The following POU6F2 variants were observed in gnomAD, a reference collection of about 807,000 sequenced individuals.
POU6F2 encodes the protein POU domain, class 6, transcription factor 2.
POU6F2 carries 31 observed loss-of-function variants against 71.3 expected under a neutral mutation model. That is an observed-to-expected ratio of 0.43 (90% CI 0.33 to 0.59). The LOEUF (loss-of-function observed/expected upper bound fraction) is 0.59, where lower values mean the gene tolerates loss of function less well. Ranked by LOEUF, POU6F2 falls within the 20% of genes least tolerant of loss-of-function variation. POU6F2 has a pLI of 0.04. For synonymous variants in POU6F2, 347 were observed against 355.7 expected (o/e 0.98, Z 0.27); for missense variants, 783 against 856.8 (o/e 0.91, Z 1.07).
At chr7:39,060,744 A>T (rs2128715989) in intron 1 of POU6F2, among the ~76,000 whole-genome samples, 1 of 152,304 alleles carries the variant, frequency 6.6e-6, no homozygotes, top group Non-Finnish European at 1.5e-5. Flanking sequence ...TGGTTCTCAA[A>T]GTGTTTGATC....
At chr7:39,257,288 G>T (rs1320786072) in intron 4 of POU6F2, among the ~76,000 whole-genome samples, 1 of 152,166 alleles carries the variant, frequency 6.6e-6, no homozygotes, top group Non-Finnish European at 1.5e-5. Flanking sequence ...TTGGAGTTAG[G>T]AGTAACAACT....
intron 5 of POU6F2, among the ~76,000 whole-genome samples, chr7:39,349,387 C>T (rs1786095762): frequency 6.6e-6 from 1 of 152,152 alleles, no homozygotes; most frequent in Non-Finnish European, 1.5e-5. Flanking sequence ...CATGCCACAG[C>T]ATGAGAATCA....
chr7:39,340,146 T>C (rs1355968147), intron 5 of POU6F2, 131 bp downstream of exon 5: 2 of 1,275,620 alleles, frequency 1.6e-6, no homozygotes, highest in Non-Finnish European at 2.1e-6. Context: ...TTCAAATTGA[T>C]CTCTTAGACA....
At chr7:39,022,267 G>A (rs1044650567) in intron 1 of POU6F2, among the ~76,000 whole-genome samples, 1 of 151,082 alleles carries the variant, frequency 6.6e-6, no homozygotes, top group African/African-American at 2.4e-5. Context: ...CTCTTTTTTT[G>A]GATAAAATGC....
intron 2 of POU6F2, among the ~76,000 whole-genome samples, chr7:39,087,289 TACTC>T (rs1208877148): frequency 1.2e-4 from 18 of 152,034 alleles, no homozygotes; most frequent in African/African-American, 4.3e-4. Context: ...TTTAAATGCT[TACTC>T]AATCAAACAT....
chr7:39,060,136 A>T, intron 1 of POU6F2, among the ~76,000 whole-genome samples: 1 of 152,014 alleles, frequency 6.6e-6, no homozygotes, highest in East Asian at 1.9e-4. Context: ...TGAACCCAGG[A>T]GGCAGAGGTG....
At chr7:39,305,056 A>G (rs1257461896) in intron 4 of POU6F2, among the ~76,000 whole-genome samples, 2 of 152,260 alleles carry the variant, frequency 1.3e-5, no homozygotes, top group East Asian at 3.8e-4. Flanking sequence ...AATTATGTAT[A>G]CTATACAAAT....
chr7:39,219,514 A>G (rs549986887), intron 4 of POU6F2, among the ~76,000 whole-genome samples: 4 of 152,274 alleles, frequency 2.6e-5, no homozygotes, highest in Admixed American at 6.5e-5. Flanking sequence ...ATCTGGTGCT[A>G]TAGGGAAGGA....
intron 2 of POU6F2, among the ~76,000 whole-genome samples, chr7:39,175,786 T>C (rs1793315328): frequency 6.6e-6 from 1 of 152,130 alleles, no homozygotes. Flanking sequence ...CCTTTCTTGA[T>C]TTATCTCGCA....
At chr7:39,221,276 A>C (rs1794349525) in intron 4 of POU6F2, among the ~76,000 whole-genome samples, 1 of 152,092 alleles carries the variant, frequency 6.6e-6, no homozygotes, top group South Asian at 2.1e-4. Context: ...TGGTAACACA[A>C]ATTAGAGACA....
At position 39,464,793 on chromosome 7, in the gene POU6F2, C is replaced by A; in HGVS notation, c.*107C>A. The A allele has an allele frequency of 7.7e-7, 1 of 1,301,582 alleles. No homozygotes were observed. Among genetic ancestry groups the A allele is most frequent in the Non-Finnish European group, 1.0e-6 (1 of 974,538 alleles). 80.6% of individuals were successfully genotyped at this position (1,301,582 alleles called of 1,614,324 possible). On this transcript the variant is annotated 3_prime_UTR_variant, in exon 10 of 10. Transcript: ENST00000518318. This position sits in a 1 kb window ranked among gnomAD's most constrained non-coding sequence, Gnocchi z 4.1. ...AAATTTAATTTAATTTAAAAATAGC[C>A]CCAGTCGTCATCACCCTTGTAAGTA...
intron 5 of POU6F2, among the ~76,000 whole-genome samples, chr7:39,384,344 C>T (rs1462002081): frequency 6.6e-6 from 1 of 152,142 alleles, no homozygotes; most frequent in African/African-American, 2.4e-5. Flanking sequence ...CCGTTAAAAA[C>T]TATATAAAGT....
intron 6 of POU6F2, among the ~76,000 whole-genome samples, chr7:39,431,151 G>T (rs1456754066): frequency 6.6e-6 from 1 of 152,144 alleles, no homozygotes; most frequent in Non-Finnish European, 1.5e-5. Flanking sequence ...GGCTTGCTCA[G>T]TGAGACTGCA....
At chr7:38,985,556 G>C (rs1341869481) in intron 1 of POU6F2, among the ~76,000 whole-genome samples, 1 of 152,116 alleles carries the variant, frequency 6.6e-6, no homozygotes, top group Non-Finnish European at 1.5e-5. Context: ...GTGGGCAGAA[G>C]TGATGATTGT....
chr7:39,250,815 T>C (rs930241763), intron 4 of POU6F2, among the ~76,000 whole-genome samples: 5 of 152,222 alleles, frequency 3.3e-5, no homozygotes, highest in Admixed American at 2.6e-4. Context: ...TATCTTTATA[T>C]AAAAGAATAA....
intron 5 of POU6F2, among the ~76,000 whole-genome samples, chr7:39,347,260 A>G (rs1205024940): frequency 6.6e-6 from 1 of 152,312 alleles, no homozygotes; most frequent in East Asian, 1.9e-4. Flanking sequence ...AAACACATGC[A>G]CTCAAAGTTG....
intron 1 of POU6F2, among the ~76,000 whole-genome samples, chr7:39,078,188 T>C (rs17171527): frequency 0.24 from 37,175 of 152,168 alleles, 4,711 homozygotes; most frequent in South Asian, 0.4. Context: ...TATTTCCAAA[T>C]AGTTTACTTG....
intron 4 of POU6F2, among the ~76,000 whole-genome samples, chr7:39,275,945 A>C (rs2128758112): frequency 6.6e-6 from 1 of 152,148 alleles, no homozygotes; most frequent in South Asian, 2.1e-4. Context: ...AAACCATAAA[A>C]ACCCTAGAAG....
chr7:39,446,193 C>T (rs971707505), intron 7 of POU6F2, among the ~76,000 whole-genome samples: 1 of 152,230 alleles, frequency 6.6e-6, no homozygotes, highest in African/African-American at 2.4e-5. Context: ...TTCTGCGAGA[C>T]CCCTCTGGGT....
Sources: gnomAD v4.1 joint callset for allele counts (sites outside exome capture counted in the v4.1 genomes callset) on GRCh38, gnomAD v4.1.1 for gene constraint, Gnocchi (gnomAD v3.1) non-coding constraint, MANE v1.5 for transcripts, NCBI Gene and HGNC (gene_info 2026-07-23, HGNC 2026-07-21) for gene names.